The following ARB2A variants were observed in gnomAD, a reference collection of about 807,000 sequenced individuals.
The protein encoded by ARB2A is cotranscriptional regulator ARB2A.
At chr5:93,748,056 T>C in the ARB2A span, among the ~76,000 whole-genome samples, 6 of 152,306 alleles carry the variant, frequency 3.9e-5, no homozygotes, top group East Asian at 3.9e-4. Flanking sequence ...TTTGCTTACA[T>C]AGAATTTTCT....
chr5:94,004,232 A>C, the ARB2A span, among the ~76,000 whole-genome samples: 3 of 152,228 alleles, frequency 2.0e-5, no homozygotes, highest in Admixed American at 6.5e-5. Flanking sequence ...AACTTCTAGA[A>C]AAATGTAAAA....
the ARB2A span, among the ~76,000 whole-genome samples, chr5:93,707,053 C>A: frequency 6.6e-6 from 1 of 152,082 alleles, no homozygotes; most frequent in East Asian, 1.9e-4. Flanking sequence ...GGAAATTAAT[C>A]ATCTGGATAG....
chr5:94,054,415 A>C, the ARB2A span, among the ~76,000 whole-genome samples: 6 of 152,164 alleles, frequency 3.9e-5, no homozygotes, highest in African/African-American at 1.4e-4. Context: ...GGTATTTTAT[A>C]GAATGACCCT....
the ARB2A span, among the ~76,000 whole-genome samples, chr5:93,631,782 GA>G: frequency 4.7e-5 from 7 of 149,546 alleles, no homozygotes; most frequent in African/African-American, 1.7e-4. Flanking sequence ...ACAAGACAGA[GA>G]GGGGGGAGGG....
chr5:93,797,223 G>C, the ARB2A span, among the ~76,000 whole-genome samples: 1 of 152,086 alleles, frequency 6.6e-6, no homozygotes, highest in East Asian at 1.9e-4. Context: ...CTGAGGAAGC[G>C]TTTATGTGTG....
the ARB2A span, among the ~76,000 whole-genome samples, chr5:94,000,206 G>C: frequency 5.9e-5 from 9 of 152,070 alleles, 1 homozygote; most frequent in Non-Finnish European, 8.8e-5. Context: ...TAGATTGTAT[G>C]GTGAGAGTAT....
At chr5:93,766,024 T>C in the ARB2A span, among the ~76,000 whole-genome samples, 3 of 152,132 alleles carry the variant, frequency 2.0e-5, no homozygotes, top group Non-Finnish European at 2.9e-5. Context: ...TTACACCTTA[T>C]ACAAAAATTA....
chr5:93,710,935 T>C, the ARB2A span, among the ~76,000 whole-genome samples: 1 of 152,194 alleles, frequency 6.6e-6, no homozygotes, highest in Non-Finnish European at 1.5e-5. Flanking sequence ...TGCTAAAACA[T>C]ATGCTCTGCC....
the ARB2A span, among the ~76,000 whole-genome samples, chr5:94,008,211 C>A: frequency 6.6e-6 from 1 of 152,046 alleles, no homozygotes; most frequent in Non-Finnish European, 1.5e-5. Flanking sequence ...AGAAGTCTAA[C>A]ACATTAGTTG....
chr5:93,805,758 A>C, the ARB2A span: 1 of 985,044 alleles, frequency 1.0e-6, no homozygotes, highest in Non-Finnish European at 1.2e-6. Flanking sequence ...GTAGTTGCTC[A>C]TGGTCACTTG....
chr5:93,967,725 A>G, the ARB2A span, among the ~76,000 whole-genome samples: 1 of 152,152 alleles, frequency 6.6e-6, no homozygotes, highest in Non-Finnish European at 1.5e-5. Flanking sequence ...AAAATACTCC[A>G]GAGCTCTCTA....
At chr5:93,906,930 C>T in the ARB2A span, among the ~76,000 whole-genome samples, 37 of 151,590 alleles carry the variant, frequency 2.4e-4, no homozygotes, top group Non-Finnish European at 5.0e-4. Flanking sequence ...TCCCTTGCTG[C>T]CCTTGACATT....
chr5:93,893,473 G>T, the ARB2A span, among the ~76,000 whole-genome samples: 1 of 152,282 alleles, frequency 6.6e-6, no homozygotes, highest in East Asian at 1.9e-4. Context: ...TAGTCAACGG[G>T]TGTCCAGTAA....
At chr5:93,767,993 CAAAAAAAAAAAAA>C in the ARB2A span, among the ~76,000 whole-genome samples, 13 of 20,958 alleles carry the variant, frequency 6.2e-4, no homozygotes, top group South Asian at 5.1e-3. Flanking sequence ...GACTCCATCT[CAAAAAAAAAAAAA>C]AAAAAAAAAA....
At chr5:93,666,171 T>G in the ARB2A span, among the ~76,000 whole-genome samples, 2 of 152,182 alleles carry the variant, frequency 1.3e-5, no homozygotes, top group African/African-American at 4.8e-5. Context: ...TGATAGAAGA[T>G]TACACAAGAT....
chr5:93,808,487 T>C, the ARB2A span, among the ~76,000 whole-genome samples: 1 of 151,562 alleles, frequency 6.6e-6, no homozygotes, highest in Non-Finnish European at 1.5e-5. Context: ...TCATTCAAAA[T>C]GTAAAATTAT....
At chr5:94,065,588 A>G in the ARB2A span, among the ~76,000 whole-genome samples, 2 of 152,336 alleles carry the variant, frequency 1.3e-5, no homozygotes, top group South Asian at 4.1e-4. Flanking sequence ...TATTTATATC[A>G]GATAAAGCAG....
the ARB2A span, among the ~76,000 whole-genome samples, chr5:93,758,083 G>A: frequency 6.6e-6 from 1 of 152,104 alleles, no homozygotes; most frequent in Non-Finnish European, 1.5e-5. Flanking sequence ...CCAAAAGCAA[G>A]CAGAGGTAGC....
the ARB2A span, among the ~76,000 whole-genome samples, chr5:93,812,675 G>A: frequency 2.6e-5 from 4 of 152,230 alleles, no homozygotes; most frequent in South Asian, 8.3e-4. Context: ...AGGCATATTA[G>A]AAGTTTAATA....
Sources: gnomAD v4.1 joint callset for allele counts (sites outside exome capture counted in the v4.1 genomes callset) on GRCh38, gnomAD v4.1.1 for gene constraint, MANE v1.5 for transcripts, NCBI Gene and HGNC (gene_info 2026-07-23, HGNC 2026-07-21) for gene names.